The following TRIP12 variants were observed in gnomAD, a reference collection of about 807,000 sequenced individuals.
TRIP12 encodes the protein thyroid hormone receptor interactor 12, also known as E3 ubiquitin-protein ligase TRIP12.
A neutral mutation model predicts 244.2 loss-of-function variants in TRIP12; 25 were observed. That is an observed-to-expected ratio of 0.10 (90% CI 0.07 to 0.14). TRIP12 has a LOEUF of 0.14. Among genes scored for constraint, TRIP12 ranks in the 10% least tolerant of loss-of-function variants. The probability of loss-of-function intolerance (pLI) is 1.00; values close to 1 mark genes in which losing one functional copy is unlikely to be tolerated. For synonymous variants in TRIP12, 905 were observed against 873.1 expected, an observed-to-expected ratio of 1.04 and a Z score of -0.64; for missense variants, 1,677 against 2,486.4, an observed-to-expected ratio of 0.67 and a Z score of 6.92.
Position 229,789,626 on chromosome 2 carries a change from C to A in TRIP12, c.4680G>T (p.Trp1560Cys). 1.2e-6 allele frequency: 2 copies of A among 1,613,732 alleles called. No homozygotes were observed. The highest frequency in any genetic ancestry group is 1.7e-6 in the Non-Finnish European group (2 of 1,179,816). The change falls in exon 31 of 42, where the codon TGG becomes TGT. Residue 1560 changes from tryptophan (W) to cysteine (C), a missense_variant. By Grantham distance (215) the Trp-to-Cys change is radical (BLOSUM62 -2). This residue lies in a region of TRIP12 where 265 missense variants were observed against 370.8 expected (regional missense o/e 0.71). Coordinates refer to ENST00000675903, the MANE Select transcript of TRIP12 (RefSeq NM_001348323.3). ...CATTACTCACATCATACAAGTAATA[C>A]CAGTATCGACTGATAGCATGTAAAA... Reference protein sequence around the residue: ...LRVLHAISRYWYYLYDNAMCK... With the variant: ...LRVLHAISRYCYYLYDNAMCK...
At chr2:229,848,660 T>C (rs1026138488) in intron 4 of TRIP12, among the ~76,000 whole-genome samples, 3 of 152,190 alleles carry the variant, frequency 2.0e-5, no homozygotes, top group Non-Finnish European at 2.9e-5. Context: ...CAGTCCCAGT[T>C]TGCCTAGGAC....
intron 4 of TRIP12, among the ~76,000 whole-genome samples, chr2:229,849,499 T>C (rs1329549640): frequency 6.6e-6 from 1 of 151,868 alleles, no homozygotes; most frequent in East Asian, 1.9e-4. Context: ...GCACATAATC[T>C]AGACACTGAA....
chr2:229,847,037 A>T (rs1157394662), intron 4 of TRIP12, among the ~76,000 whole-genome samples: 3 of 152,252 alleles, frequency 2.0e-5, no homozygotes, highest in Non-Finnish European at 4.4e-5. Context: ...ACTTTTACAC[A>T]GCTGGTGGGA....
intron 8 of TRIP12, 133 bp downstream of exon 8, chr2:229,829,060 G>T (rs753970483): frequency 7.4e-5 from 51 of 684,862 alleles, no homozygotes; most frequent in Non-Finnish European, 1.1e-4. Flanking sequence ...AGGTGTGATT[G>T]TACACAGCCT....
chr2:229,850,954 C>T (rs1254994626), intron 4 of TRIP12, among the ~76,000 whole-genome samples: 3 of 152,186 alleles, frequency 2.0e-5, no homozygotes, highest in Admixed American at 2.0e-4. Flanking sequence ...TGCCTTCCCG[C>T]AGCGCAGGCC....
In TRIP12 at chr2:229,815,190, T is replaced by C; in HGVS notation, c.1640A>G (p.Asn547Ser). ...GTATGTTAAGGCTCGACAAGCATGG[T>C]TCATCTAGAAAAGAAGAGATTTTAA... Reference protein sequence around the residue: ...LQMEHNFDIMNHACRALTYMM... With the variant: ...LQMEHNFDIMSHACRALTYMM... Residue 547 changes from asparagine (N) to serine (S), a missense_variant, in exon 11 of 42, where the codon AAC becomes AGC. Around this residue, in one of 11 missense-constraint regions of TRIP12, gnomAD observed 572 missense variants for 867.8 expected, o/e 0.66. Transcript: ENST00000675903. 6.2e-7 allele frequency: 1 copy of C among 1,611,758 alleles called. No homozygotes were observed. Among genetic ancestry groups the C allele is most frequent in the Non-Finnish European group, 8.5e-7 (1 of 1,179,202 alleles).
At chr2:229,917,380 CAAAAAAAAAAAAAAAAAAAAA>C (rs60397605) in intron 1 of TRIP12, among the ~76,000 whole-genome samples, 46 of 29,262 alleles carry the variant, frequency 1.6e-3, no homozygotes, top group East Asian at 6.8e-3. Context: ...GACTCTGTCT[CAAAAAAAAAAAAAAAAAAAAA>C]AAAAAAAAAA....
At chr2:229,807,244 A>G (rs1338550356) in intron 17 of TRIP12, 1 of 163,318 alleles carries the variant, frequency 6.1e-6, no homozygotes, top group Non-Finnish European at 1.3e-5. Context: ...TATCTGGATA[A>G]CATACAAGCC....
chr2:229,859,945 G>A (rs1197829342), intron 3 of TRIP12, among the ~76,000 whole-genome samples: 1 of 152,142 alleles, frequency 6.6e-6, no homozygotes, highest in African/African-American at 2.4e-5. Flanking sequence ...AAGCTTAGAA[G>A]AAATAAGCAT....
intron 4 of TRIP12, among the ~76,000 whole-genome samples, chr2:229,855,779 G>C (rs1214841514): frequency 1.3e-5 from 2 of 151,904 alleles, no homozygotes; most frequent in South Asian, 4.2e-4. Context: ...TGGTGGCTCA[G>C]GCCTGTAATC....
At chr2:229,825,362 A>G (rs1366863649) in intron 8 of TRIP12, among the ~76,000 whole-genome samples, 1 of 152,234 alleles carries the variant, frequency 6.6e-6, no homozygotes, top group African/African-American at 2.4e-5. Flanking sequence ...GTGGTCTCCA[A>G]ATACAAAATA....
In TRIP12 at chr2:229,792,006, T is replaced by G; in HGVS notation, c.4275A>C (p.Glu1425Asp). ...VRHRLQFYIG[E>D]HLLPYNMTVY... ...CAGTCATGTTATACGGCAGCAAATG[T>G]TCTCCAATATAAAACTGCAGCCTGT... The change falls in exon 29 of 42, where the codon GAA becomes GAC. Residue 1425 changes from glutamate (E) to aspartate (D), a missense_variant. Around this residue, in one of 11 missense-constraint regions of TRIP12, gnomAD observed 265 missense variants for 370.8 expected, o/e 0.71. Transcript: ENST00000675903. 6.2e-7 allele frequency: 1 copy of G among 1,614,158 alleles called. No individual in the cohort carries two copies. Among genetic ancestry groups the G allele is most frequent in the Non-Finnish European group, 8.5e-7 (1 of 1,179,986 alleles).
intron 6 of TRIP12, among the ~76,000 whole-genome samples, chr2:229,834,350 A>G (rs754442985): frequency 3.9e-5 from 6 of 152,248 alleles, no homozygotes; most frequent in African/African-American, 9.6e-5. Flanking sequence ...TGAAGCTGAC[A>G]TTATTTTACA....
At chr2:229,849,905 T>C (rs16826408) in intron 4 of TRIP12, among the ~76,000 whole-genome samples, 6,405 of 139,470 alleles carry the variant, frequency 0.046, 463 homozygotes, top group African/African-American at 0.16. Context: ...TTGATAAATA[T>C]AAAGTGAAAA....
At chr2:229,799,447 A>C in intron 21 of TRIP12, 64 bp from the exon 22 acceptor site, 1 of 1,461,500 alleles carries the variant, frequency 6.8e-7, no homozygotes, top group Non-Finnish European at 9.6e-7. Context: ...TCACTCACTG[A>C]AAAAGCAAAC....
chr2:229,767,551 T>C lies in TRIP12; in HGVS notation c.*3A>G. The C allele has an allele frequency of 6.3e-7, 1 of 1,596,014 alleles. No individual in the cohort carries two copies. Among genetic ancestry groups the C allele is most frequent in the Non-Finnish European group, 8.5e-7 (1 of 1,171,012 alleles). On this transcript the variant is annotated 3_prime_UTR_variant, in exon 42 of 42. Transcript: ENST00000675903. ...CAGGCAGACACTGCATTTCTTGCTA[T>C]GATCAGGAAAGATGGAACGACTGCT...
At chr2:229,850,657 G>C (rs1445244760) in intron 4 of TRIP12, among the ~76,000 whole-genome samples, 1 of 152,216 alleles carries the variant, frequency 6.6e-6, no homozygotes, top group Non-Finnish European at 1.5e-5. Context: ...CAATGTGGGA[G>C]CCCCTTTCTG....
At chr2:229,804,884 T>C (rs1280828353) in intron 18 of TRIP12, among the ~76,000 whole-genome samples, 3 of 151,592 alleles carry the variant, frequency 2.0e-5, no homozygotes, top group South Asian at 2.1e-4. Context: ...TTATTTACTA[T>C]CTGGCCCTTT....
intron 38 of TRIP12, 25 bp downstream of exon 38, chr2:229,774,072 A>AC: frequency 6.2e-7 from 1 of 1,604,146 alleles, no homozygotes; most frequent in Non-Finnish European, 8.5e-7. Context: ...CAACTGGCCT[A>AC]CCCCCCAAAG....
Sources: allele counts gnomAD v4.1 joint callset (sites outside exome capture counted in the v4.1 genomes callset), GRCh38; gene constraint gnomAD v4.1.1; regional missense constraint gnomAD v4.1.1; transcripts MANE v1.5; gene names NCBI Gene and HGNC (gene_info 2026-07-23, HGNC 2026-07-21).